PRR5L: variants seen among roughly 807,000 people sequenced by gnomAD.
PRR5L encodes proline-rich protein 5-like.
In PRR5L, 21 loss-of-function variants were observed where a neutral mutation model predicts 36.4. The observed-to-expected ratio is 0.58, with a 90% CI of 0.41 to 0.83. PRR5L has a LOEUF of 0.83. PRR5L is among the 40% of genes least tolerant of loss of function. The probability of loss-of-function intolerance (pLI) is 0.00; values close to 1 mark genes in which losing one functional copy is unlikely to be tolerated. For missense variants in PRR5L, 381 were observed against 473.3 expected, an observed-to-expected ratio of 0.80 and a Z score of 1.81; for synonymous variants, 188 against 197.0, an observed-to-expected ratio of 0.95 and a Z score of 0.38.
intron 1 of PRR5L, among the ~76,000 whole-genome samples, chr11:36,372,385 C>A (rs1857206447): frequency 6.6e-6 from 1 of 152,186 alleles, no homozygotes; most frequent in Admixed American, 6.5e-5. Flanking sequence ...CACAAGGCAG[C>A]CTCTCAGGGA....
intron 7 of PRR5L, among the ~76,000 whole-genome samples, chr11:36,447,090 C>G (rs1415863785): frequency 6.6e-6 from 1 of 152,234 alleles, no homozygotes; most frequent in Non-Finnish European, 1.5e-5. Flanking sequence ...AATCCCAATT[C>G]TAAATCAATA....
At chr11:36,320,521 C>T (rs551536188) in intron 1 of PRR5L, among the ~76,000 whole-genome samples, 1 of 152,216 alleles carries the variant, frequency 6.6e-6, no homozygotes, top group Non-Finnish European at 1.5e-5. Flanking sequence ...ACGCTCTGTG[C>T]CCTGTGGCTT....
Position 36,451,218 on chromosome 11 carries a change from G to A in PRR5L, c.595G>A (p.Glu199Lys), listed in dbSNP as rs1362359338. The A allele has an allele frequency of 2.5e-6, 4 of 1,614,004 alleles. No homozygotes were observed. Among genetic ancestry groups the A allele is most frequent in the Non-Finnish European group, 3.4e-6 (4 of 1,180,022 alleles). ...QMLLILQSVH[E>K]PTGPSESYLQ... ...GCTGTTCATTTTCCAGAGTGTTCAC[G>A]AGCCCACAGGCCCAAGTGAGAGTTA... Residue 199 changes from glutamate to lysine, a missense_variant, in exon 8 of 9, where the codon GAG (glutamate) becomes AAG (lysine). Physicochemically the swap from Glu to Lys is moderately conservative, Grantham distance 56. Transcript: ENST00000530639.
intron 6 of PRR5L, 111 bp from the exon 7 acceptor site, chr11:36,446,189 C>T (rs1858824858): frequency 8.1e-7 from 1 of 1,236,302 alleles, no homozygotes; most frequent in Non-Finnish European, 1.1e-6. Flanking sequence ...TTGCAGACGC[C>T]TCATCCCATC....
chr11:36,359,224 A>G (rs1320775015), intron 1 of PRR5L, among the ~76,000 whole-genome samples: 1 of 152,208 alleles, frequency 6.6e-6, no homozygotes, highest in Admixed American at 6.5e-5. Context: ...GTGAAGCGGT[A>G]TTAACTTCTA....
At chr11:36,408,512 T>C (rs1857956637) in intron 3 of PRR5L, among the ~76,000 whole-genome samples, 1 of 152,158 alleles carries the variant, frequency 6.6e-6, no homozygotes, top group South Asian at 2.1e-4. Context: ...AATCAACAAT[T>C]CTGGCTTCCC....
intron 4 of PRR5L, among the ~76,000 whole-genome samples, chr11:36,427,936 G>A (rs1285944059): frequency 1.3e-5 from 2 of 152,218 alleles, no homozygotes; most frequent in Non-Finnish European, 2.9e-5. Context: ...CCAAGAGATT[G>A]CACATCTGCA....
At chr11:36,324,574 C>T (rs7931498) in intron 1 of PRR5L, among the ~76,000 whole-genome samples, 28,024 of 151,972 alleles carry the variant, frequency 0.18, 2,840 homozygotes, top group African/African-American at 0.26. Context: ...CTACTATGTA[C>T]CCACAAAAAT....
At chr11:36,461,769 G>T (rs927899030) in intron 8 of PRR5L, among the ~76,000 whole-genome samples, 5 of 152,316 alleles carry the variant, frequency 3.3e-5, no homozygotes, top group African/African-American at 1.2e-4. Context: ...CAGAACATAG[G>T]TCTGAGACCC....
At chr11:36,440,716 G>C (rs1224819015) in intron 6 of PRR5L, among the ~76,000 whole-genome samples, 1 of 152,156 alleles carries the variant, frequency 6.6e-6, no homozygotes, top group Non-Finnish European at 1.5e-5. Context: ...GAGAAAAGAG[G>C]CTTGTTTGGC....
chr11:36,405,401 T>C (rs1857888899), intron 3 of PRR5L, among the ~76,000 whole-genome samples: 1 of 152,186 alleles, frequency 6.6e-6, no homozygotes, highest in African/African-American at 2.4e-5. Context: ...ACAAAACACA[T>C]CTGTGGATTG....
intron 8 of PRR5L, among the ~76,000 whole-genome samples, chr11:36,451,814 G>C (rs1357929345): frequency 1.3e-5 from 2 of 152,236 alleles, no homozygotes; most frequent in African/African-American, 2.4e-5. Context: ...CATTTCTGTA[G>C]GTACCACCAC....
intron 1 of PRR5L, among the ~76,000 whole-genome samples, chr11:36,368,435 G>A (rs1194614850): frequency 6.6e-6 from 1 of 152,200 alleles, no homozygotes; most frequent in African/African-American, 2.4e-5. Context: ...ACCATCATTT[G>A]AGAGGATTTT....
In PRR5L at chr11:36,464,329, G is replaced by A. The variant is rs555678831; in HGVS notation, c.*1593G>A. The A allele has an allele frequency of 6.6e-6, 1 of 152,318 alleles. No homozygotes were observed. Among genetic ancestry groups the A allele is most frequent in the African/African-American group, 2.4e-5 (1 of 41,568 alleles). 9.4% of individuals were successfully genotyped at this position (152,318 alleles called of 1,614,324 possible). A position where few individuals can be genotyped will look rare whatever the true frequency, so the allele number is the denominator to read the frequency against. On this transcript the variant is annotated 3_prime_UTR_variant, in exon 9 of 9. Coordinates refer to ENST00000530639, the MANE Select transcript of PRR5L (RefSeq NM_001160167.2). Reference sequence around the variant, plus strand: ...GATCAGTCTAAGCTGCCACGGTGATGAGACCTTCTCATTATGTAACTCTTG... The same window carrying A: ...GATCAGTCTAAGCTGCCACGGTGATAAGACCTTCTCATTATGTAACTCTTG...
At chr11:36,379,043 C>A (rs1205680342) in intron 1 of PRR5L, among the ~76,000 whole-genome samples, 1 of 152,134 alleles carries the variant, frequency 6.6e-6, no homozygotes, top group Non-Finnish European at 1.5e-5. Context: ...CAGAATGTTA[C>A]AAATTGGCTC....
At chr11:36,457,323 G>A (rs1433643571) in intron 8 of PRR5L, among the ~76,000 whole-genome samples, 1 of 151,882 alleles carries the variant, frequency 6.6e-6, no homozygotes, top group Non-Finnish European at 1.5e-5. Flanking sequence ...AAACATTATC[G>A]AGGCCGGGCA....
rs916206628 is a variant in PRR5L at position 36,344,046 on chromosome 11, G to A, written c.-126+47608G>A. Among the ~76,000 whole-genome samples the A allele has an allele frequency of 1.8e-4, 27 of 151,966 alleles. No individual in the cohort carries two copies. Among genetic ancestry groups the A allele is most frequent in the Admixed American group, 1.5e-3 (23 of 15,258 alleles). On this transcript the variant is annotated intron_variant, in intron 1 of 8. Coordinates refer to ENST00000530639, the MANE Select transcript of PRR5L (RefSeq NM_001160167.2). This position sits in a 1 kb window ranked among gnomAD's most constrained non-coding sequence, Gnocchi z 4.1. ...AGCCTGGCCAACATGGAGAAATCCCGTCTCTACTAAAAATACAAAAATTAG... is the reference window on the plus strand; with the variant it reads ...AGCCTGGCCAACATGGAGAAATCCCATCTCTACTAAAAATACAAAAATTAG...
intron 1 of PRR5L, among the ~76,000 whole-genome samples, chr11:36,378,767 G>A (rs999367788): frequency 6.6e-6 from 1 of 152,172 alleles, no homozygotes; most frequent in Non-Finnish European, 1.5e-5. Context: ...TGCACTGAGA[G>A]ACTTTGATAA....
At chr11:36,457,607 A>C (rs75029610) in intron 8 of PRR5L, among the ~76,000 whole-genome samples, 1 of 5,434 alleles carries the variant, frequency 1.8e-4, no homozygotes, top group Non-Finnish European at 4.0e-4. Context: ...CTCCGTCTCA[A>C]AAAAAAAAAA....
Sources: gnomAD v4.1 joint callset for allele counts (sites outside exome capture counted in the v4.1 genomes callset) on GRCh38, gnomAD v4.1.1 for gene constraint, Gnocchi (gnomAD v3.1) non-coding constraint, MANE v1.5 for transcripts, NCBI Gene and HGNC (gene_info 2026-07-23, HGNC 2026-07-21) for gene names.